The following NHSL2 variants were observed in gnomAD, a reference collection of about 807,000 sequenced individuals.
The protein encoded by NHSL2 is NHS-like protein 2.
NHSL2 carries 27 observed loss-of-function variants against 53.4 expected under a neutral mutation model. The observed-to-expected ratio is 0.51, with a 90% CI of 0.37 to 0.70. The LOEUF (loss-of-function observed/expected upper bound fraction) is 0.70, where lower values mean the gene tolerates loss of function less well. Ranked by LOEUF, NHSL2 falls within the 30% of genes least tolerant of loss-of-function variation. The probability of loss-of-function intolerance (pLI) is 0.00; values close to 1 mark genes in which losing one functional copy is unlikely to be tolerated. For synonymous variants in NHSL2, 408 were observed against 404.1 expected (o/e 1.01, Z -0.12); for missense variants, 892 against 980.1 (o/e 0.91, Z 1.20).
At chrX:71,989,524 C>T (rs956628593) in intron 1 of NHSL2, among the ~76,000 whole-genome samples, 31 of 111,381 alleles carry the variant, frequency 2.8e-4, no homozygotes, top group Admixed American at 2.5e-3. Flanking sequence ...CCAGACCATG[C>T]ATCTGGTAGG....
chrX:72,075,672 G>T (rs1002778851), intron 1 of NHSL2, among the ~76,000 whole-genome samples: 1 of 111,864 alleles, frequency 8.9e-6, no homozygotes, highest in Non-Finnish European at 1.9e-5. Context: ...AGCTCATCGA[G>T]CCTCCTTGGT....
chrX:72,000,156 C>T (rs1431141063), intron 1 of NHSL2, among the ~76,000 whole-genome samples: 2 of 111,379 alleles, frequency 1.8e-5, no homozygotes, highest in African/African-American at 3.3e-5. Flanking sequence ...AGAACACCAC[C>T]GGTCCTACAT....
intron 1 of NHSL2, among the ~76,000 whole-genome samples, chrX:72,021,505 A>C (rs1402269608): frequency 8.9e-6 from 1 of 111,816 alleles, no homozygotes; most frequent in East Asian, 2.8e-4. Flanking sequence ...CTGAATCTAT[A>C]CTGGGGTAGC....
chrX:72,099,344 T>C (rs2041971618), intron 1 of NHSL2, among the ~76,000 whole-genome samples: 1 of 109,767 alleles, frequency 9.1e-6, no homozygotes, highest in Non-Finnish European at 1.9e-5. Context: ...TTGGCACCAG[T>C]ATCCCCTTGT....
chrX:72,018,399 C>T (rs1404992271), intron 1 of NHSL2, among the ~76,000 whole-genome samples: 1 of 112,668 alleles, frequency 8.9e-6, no homozygotes, highest in Non-Finnish European at 1.9e-5. Flanking sequence ...ACCCCTATCC[C>T]GGGTTAGAGG....
chrX:71,960,089 T>G (rs1263780042), intron 1 of NHSL2, among the ~76,000 whole-genome samples: 1 of 112,685 alleles, frequency 8.9e-6, no homozygotes, highest in Non-Finnish European at 1.9e-5. Context: ...CATTATACTT[T>G]TAATTTGCAT....
intron 1 of NHSL2, among the ~76,000 whole-genome samples, chrX:72,120,627 C>T (rs898059156): frequency 6.2e-5 from 7 of 112,051 alleles, no homozygotes; most frequent in African/African-American, 2.3e-4. Context: ...TTTGAATTCC[C>T]GTTTGGCCCT....
In NHSL2 at chrX:71,981,025, G is replaced by A. The variant is rs778362051; in HGVS notation, c.280+69658G>A. ...TATCATGTACAAAAGTTAGCTCAAAGTGGATCAACGACATAACTGTAAGAG... is the reference window on the plus strand; with the variant it reads ...TATCATGTACAAAAGTTAGCTCAAAATGGATCAACGACATAACTGTAAGAG... On this transcript the variant is annotated intron_variant, in intron 1 of 7. Coordinates refer to ENST00000633930, the MANE Select transcript of NHSL2 (RefSeq NM_001013627.3). 1.4e-4 allele frequency among the ~76,000 whole-genome samples: 16 copies of A among 112,146 alleles called. No homozygotes were observed. In the South Asian group the frequency reaches 5.9e-3, roughly 41 times the overall value.
At chrX:72,122,244 A>G (rs988312092) in intron 1 of NHSL2, among the ~76,000 whole-genome samples, 1 of 112,227 alleles carries the variant, frequency 8.9e-6, no homozygotes. Context: ...CTCCTGCTCC[A>G]TGGGCCTCAC....
chrX:71,925,696 T>G (rs1004367279), intron 1 of NHSL2, among the ~76,000 whole-genome samples: 1 of 112,169 alleles, frequency 8.9e-6, no homozygotes, highest in African/African-American at 3.2e-5. Context: ...TTTAAGAGCT[T>G]TCTGTGTGCC....
At chrX:72,017,990 C>A (rs1294744367) in intron 1 of NHSL2, among the ~76,000 whole-genome samples, 1 of 111,684 alleles carries the variant, frequency 9.0e-6, no homozygotes, top group Non-Finnish European at 1.9e-5. Context: ...TCCTTTGGTG[C>A]AGCTTTCGAA....
chrX:71,949,513 T>C (rs1367337295), intron 1 of NHSL2, among the ~76,000 whole-genome samples: 3 of 110,951 alleles, frequency 2.7e-5, no homozygotes, highest in Non-Finnish European at 5.7e-5. Flanking sequence ...AGTGTTAGGG[T>C]CGGGGAGTGA....
chrX:72,062,564 C>T (rs1450197715), intron 1 of NHSL2, among the ~76,000 whole-genome samples: 2 of 111,873 alleles, frequency 1.8e-5, no homozygotes, highest in African/African-American at 6.5e-5. Flanking sequence ...TTGGGGGTGG[C>T]CAGCATGCAT....
intron 1 of NHSL2, among the ~76,000 whole-genome samples, chrX:72,021,831 GC>G (rs1194636051): frequency 9.0e-6 from 1 of 111,430 alleles, no homozygotes; most frequent in Non-Finnish European, 1.9e-5. Context: ...AAACTTCTGA[GC>G]CTGACAGCCA....
chrX:71,957,390 C>T (rs1184365835), intron 1 of NHSL2, among the ~76,000 whole-genome samples: 1 of 112,516 alleles, frequency 8.9e-6, no homozygotes, highest in Non-Finnish European at 1.9e-5. Context: ...CCTCAGCCTC[C>T]TGAGTAGCTG....
chrX:71,991,763 GCT>G (rs1176224321), intron 1 of NHSL2, among the ~76,000 whole-genome samples: 1 of 111,826 alleles, frequency 8.9e-6, no homozygotes. Context: ...AGGGGTGTGT[GCT>G]AGAAGCATTT....
chrX:72,137,036 T>A, intron 4 of NHSL2, 58 bp from the exon 5 acceptor site: 1 of 1,082,818 alleles, frequency 9.2e-7, no homozygotes, highest in Non-Finnish European at 1.2e-6. Context: ...CAGGCCAATT[T>A]CCACCGTGCT....
intron 1 of NHSL2, among the ~76,000 whole-genome samples, chrX:71,987,868 C>T (rs2042009873): frequency 8.9e-6 from 1 of 112,280 alleles, no homozygotes. Flanking sequence ...TTCCATTTCT[C>T]TTCCTAGAAG....
In NHSL2 at chrX:72,134,220, T is replaced by C. The variant is rs910091263; in HGVS notation, c.564+2T>C. On this transcript the variant is annotated splice_donor_variant, in intron 3 of 7. Transcript: ENST00000633930. LOFTEE classifies it high-confidence loss of function. The stretch of plus-strand genomic sequence containing the variant: ...AGGCGTCTGGAGTTTATATTGATGG[T>C]GAGTTGCCTCATCCCCCACCTGGGA... 3 of 1,163,247 alleles carry C rather than the reference T, an allele frequency of 2.6e-6. No individual in the cohort carries two copies. Among genetic ancestry groups the C allele is most frequent in the Non-Finnish European group, 3.4e-6 (3 of 870,337 alleles).
Sources: gnomAD v4.1 joint callset for allele counts (sites outside exome capture counted in the v4.1 genomes callset) on GRCh38, gnomAD v4.1.1 for gene constraint, MANE v1.5 for transcripts, NCBI Gene and HGNC (gene_info 2026-07-23, HGNC 2026-07-21) for gene names.